Variants in NECTIN3 observed in about 807,000 individuals in gnomAD.
The protein encoded by NECTIN3 is nectin-3.
In NECTIN3, 8 loss-of-function variants were observed where a neutral mutation model predicts 49.4. The ratio of observed to expected loss-of-function variants is 0.16; its 90% CI spans 0.10 to 0.29. The LOEUF (loss-of-function observed/expected upper bound fraction) is 0.29. Ranked by LOEUF, NECTIN3 falls within the 10% of genes least tolerant of loss-of-function variation. NECTIN3 has a pLI of 1.00. For synonymous variants in NECTIN3, 277 were observed against 241.1 expected, an observed-to-expected ratio of 1.15 and a Z score of -1.38; for missense variants, 581 against 654.6, an observed-to-expected ratio of 0.89 and a Z score of 1.23.
chr3:111,109,902 A>G (rs2033382073), intron 1 of NECTIN3, among the ~76,000 whole-genome samples: 1 of 151,998 alleles, frequency 6.6e-6, no homozygotes, highest in African/African-American at 2.4e-5. Flanking sequence ...GGAATATGGC[A>G]TAGCTTCTAT....
At chr3:111,182,150 TTTAA>T (rs1371509060) in intron 7 of NECTIN3, among the ~76,000 whole-genome samples, 1 of 152,150 alleles carries the variant, frequency 6.6e-6, no homozygotes, top group Non-Finnish European at 1.5e-5. Flanking sequence ...TTTCAAATGT[TTTAA>T]TTATTTATTT....
chr3:111,135,176 T>C lies in NECTIN3; in HGVS notation c.*961T>C. On this transcript the variant is annotated 3_prime_UTR_variant, in exon 6 of 6. Transcript: ENST00000485303. ...TTATGGACCATCTTGTTTTAGTTAT[T>C]TAATGTTGATGTTGTTCAAATGGGT... 3 of 982,366 alleles carry C rather than the reference T, an allele frequency of 3.1e-6. No homozygotes were observed. Among genetic ancestry groups the C allele is most frequent in the Non-Finnish European group, 2.4e-6 (2 of 827,304 alleles). 60.9% of individuals were successfully genotyped at this position (982,366 alleles called of 1,614,324 possible).
chr3:111,080,020 AT>A (rs1254771314), intron 1 of NECTIN3, among the ~76,000 whole-genome samples: 6 of 151,898 alleles, frequency 4.0e-5, no homozygotes, highest in Non-Finnish European at 5.9e-5. Flanking sequence ...AGGATTTATA[AT>A]TTTTTTCTTT....
rs555216336 is a variant in NECTIN3 at position 111,093,562 on chromosome 3, G to A, written c.161-18468G>A. 2.6e-5 allele frequency among the ~76,000 whole-genome samples: 4 copies of A among 151,948 alleles called. No homozygotes were observed. In the East Asian group the frequency reaches 5.8e-4, roughly 22 times the overall value. On this transcript the variant is annotated intron_variant, in intron 1 of 5. Coordinates refer to ENST00000485303, the MANE Select transcript of NECTIN3 (RefSeq NM_015480.3). The stretch of plus-strand genomic sequence containing the variant: ...TGATTCTCCTACCCCAGCCTCCTGA[G>A]TAACTAGGATTACAGGCACGTGCCA...
At chr3:111,183,287 A>G (rs1398071942) in intron 7 of NECTIN3, among the ~76,000 whole-genome samples, 1 of 151,980 alleles carries the variant, frequency 6.6e-6, no homozygotes, top group Non-Finnish European at 1.5e-5. Context: ...ATCTACTGAT[A>G]AAACAATTTT....
At chr3:111,115,862 G>A (rs2033670946) in intron 2 of NECTIN3, among the ~76,000 whole-genome samples, 1 of 152,190 alleles carries the variant, frequency 6.6e-6, no homozygotes, top group African/African-American at 2.4e-5. Context: ...AAGAAGTAAG[G>A]AAAGTTTGAA....
upstream of NECTIN3, among the ~76,000 whole-genome samples, chr3:111,189,724 G>A (rs1011006990): frequency 6.6e-6 from 1 of 152,312 alleles, no homozygotes; most frequent in Middle Eastern, 3.4e-3. Flanking sequence ...CTGAGGCACA[G>A]TGCAAAATGA....
At chr3:111,155,374 T>C (rs912282789) in intron 7 of NECTIN3, among the ~76,000 whole-genome samples, 6 of 152,206 alleles carry the variant, frequency 3.9e-5, no homozygotes, top group Admixed American at 3.3e-4. Context: ...AATCAAGACT[T>C]GATTGATTCA....
At chr3:111,144,194 T>C (rs2034818321) in intron 5 of NECTIN3, among the ~76,000 whole-genome samples, 2 of 152,184 alleles carry the variant, frequency 1.3e-5, no homozygotes, top group South Asian at 4.1e-4. Flanking sequence ...TTTTAAATCC[T>C]TTCTTAAAAA....
chr3:111,187,490 A>G (rs540016169), upstream of NECTIN3, among the ~76,000 whole-genome samples: 239 of 152,324 alleles, frequency 1.6e-3, no homozygotes, highest in African/African-American at 5.5e-3. Flanking sequence ...GTGAAAACTT[A>G]TGTTCATACA....
At chr3:111,166,472 C>G (rs769617300) in intron 7 of NECTIN3, among the ~76,000 whole-genome samples, 1 of 152,210 alleles carries the variant, frequency 6.6e-6, no homozygotes, top group Non-Finnish European at 1.5e-5. Flanking sequence ...AATTATCTAC[C>G]TAATTCCTTT....
downstream of NECTIN3, among the ~76,000 whole-genome samples, chr3:111,138,902 A>G (rs562040113): frequency 6.6e-6 from 1 of 151,788 alleles, no homozygotes; most frequent in East Asian, 1.9e-4. Flanking sequence ...ACCTAATTGT[A>G]AAGTGACAGT....
chr3:111,184,157 T>C (rs1391800349), intron 7 of NECTIN3, among the ~76,000 whole-genome samples: 1 of 152,196 alleles, frequency 6.6e-6, no homozygotes, highest in Non-Finnish European at 1.5e-5. Context: ...ATTTCAGATA[T>C]TGTATTTTTT....
intron 3 of NECTIN3, 24 bp from the exon 4 acceptor site, chr3:111,122,097 T>C (rs1309091218): frequency 7.0e-7 from 1 of 1,426,378 alleles, no homozygotes; most frequent in Non-Finnish European, 9.9e-7. Context: ...AGGTAATCTG[T>C]CCTGTCATGC....
chr3:111,189,823 A>G (rs1487810432), upstream of NECTIN3, among the ~76,000 whole-genome samples: 2 of 152,154 alleles, frequency 1.3e-5, no homozygotes, highest in Admixed American at 6.5e-5. Context: ...TCTCATCTTC[A>G]CTGGGACATG....
Position 111,118,691 on chromosome 3 carries a change from T to G in NECTIN3, c.538T>G (p.Ser180Ala), listed in dbSNP as rs747534825. The change falls in exon 3 of 6, where the codon TCT becomes GCT. Residue 180 changes from serine to alanine, a missense_variant. By Grantham distance (99) the Ser-to-Ala change is moderately conservative. This residue lies in a region of NECTIN3 where 234 missense variants were observed against 340.6 expected (regional missense o/e 0.69). Coordinates refer to ENST00000485303, the MANE Select transcript of NECTIN3 (RefSeq NM_015480.3). ...TGTGAGCCTGATAAAAGGGCCAGAT[T>G]CTTTAATTGATGGAGGAAATGAAAC... ...PTVSLIKGPDSLIDGGNETVA... is the reference protein window; with the variant it reads ...PTVSLIKGPDALIDGGNETVA... The G allele has an allele frequency of 6.2e-7, 1 of 1,611,502 alleles. No homozygotes were observed. Among genetic ancestry groups the G allele is most frequent in the South Asian group, 1.1e-5 (1 of 90,698 alleles).
intron 4 of NECTIN3, among the ~76,000 whole-genome samples, chr3:111,123,962 T>C (rs1251857352): frequency 6.6e-6 from 1 of 152,192 alleles, no homozygotes; most frequent in Non-Finnish European, 1.5e-5. Context: ...TGAAACATCT[T>C]GTCTGTTGAA....
At chr3:111,107,816 T>C (rs1286179412) in intron 1 of NECTIN3, among the ~76,000 whole-genome samples, 1 of 152,090 alleles carries the variant, frequency 6.6e-6, no homozygotes, top group Non-Finnish European at 1.5e-5. Context: ...TAAGATTCCA[T>C]GGGGGAAAAT....
At chr3:111,108,567 G>A (rs543893348) in intron 1 of NECTIN3, among the ~76,000 whole-genome samples, 5 of 152,192 alleles carry the variant, frequency 3.3e-5, no homozygotes, top group African/African-American at 1.2e-4. Flanking sequence ...TGCTATAAAG[G>A]AATACCTGAT....
Sources: gnomAD v4.1 joint callset for allele counts (sites outside exome capture counted in the v4.1 genomes callset) on GRCh38, gnomAD v4.1.1 for gene constraint, gnomAD v4.1.1 regional missense constraint, MANE v1.5 for transcripts, NCBI Gene and HGNC (gene_info 2026-07-23, HGNC 2026-07-21) for gene names.